The following CADPS variants were observed in gnomAD, a reference collection of about 807,000 sequenced individuals.
CADPS encodes the protein calcium-dependent secretion activator 1.
CADPS carries 57 observed loss-of-function variants against 167.3 expected under a neutral mutation model. That is an observed-to-expected ratio of 0.34 (90% CI 0.28 to 0.42). CADPS has a LOEUF of 0.42. Ranked by LOEUF, CADPS falls within the 20% of genes least tolerant of loss-of-function variation. CADPS has a pLI of 1.00. For synonymous variants in CADPS, 676 were observed against 635.3 expected, an observed-to-expected ratio of 1.06 and a Z score of -0.96; for missense variants, 1,414 against 1,738.1, an observed-to-expected ratio of 0.81 and a Z score of 3.32.
rs1201837025 is a variant in CADPS, at chr3:62,773,460, C to T, written c.442-7476G>A. 3.3e-5 allele frequency among the ~76,000 whole-genome samples: 5 copies of T among 152,086 alleles called. No individual in the cohort carries two copies. In the East Asian group the frequency reaches 5.8e-4, roughly 18 times the overall value. On this transcript the variant is annotated intron_variant, in intron 1 of 29. Coordinates refer to ENST00000383710, the MANE Select transcript of CADPS (RefSeq NM_003716.4). ...GAAATGCAAGTTGAAGGGGGAAAAA[C>T]ATATTGAAGGTGGGGAGAATTACGA...
intron 6 of CADPS, among the ~76,000 whole-genome samples, chr3:62,637,889 A>G (rs1256810658): frequency 6.6e-6 from 1 of 152,148 alleles, no homozygotes; most frequent in Admixed American, 6.6e-5. Context: ...ATTAAATAAA[A>G]TGATGACTGT....
chr3:62,516,435 T>A, intron 15 of CADPS, 145 bp downstream of exon 15: 5 of 760,228 alleles, frequency 6.6e-6, no homozygotes, highest in Non-Finnish European at 8.4e-6. Flanking sequence ...GTTTTGGCAG[T>A]TTCCTCGCTT....
chr3:62,608,396 C>T (rs781779311), intron 6 of CADPS, among the ~76,000 whole-genome samples: 38 of 151,852 alleles, frequency 2.5e-4, no homozygotes, highest in Non-Finnish European at 4.9e-4. Flanking sequence ...GATCCTCTCA[C>T]CTCAAACTCC....
At chr3:62,530,290 T>G (rs2073354498) in intron 13 of CADPS, among the ~76,000 whole-genome samples, 2 of 152,192 alleles carry the variant, frequency 1.3e-5, no homozygotes, top group South Asian at 4.1e-4. Flanking sequence ...TCCTTAAACA[T>G]AATTTCAAAA....
rs2083192400 is a variant in CADPS, at chr3:62,874,136, TGCCGTTGCCCCCGCCC to T, written c.441+437_441+452del. ...CTCCCTCCACCTCGGCGCCCCCACC[TGCCGTTGCCCCCGCCC>T]GCCGAACGCACGCCCAGGAGGGCGG... On this transcript the variant is annotated intron_variant, in intron 1 of 29. Coordinates refer to ENST00000383710, the MANE Select transcript of CADPS (RefSeq NM_003716.4). The surrounding 1 kb of genome is among the most constrained non-coding windows in gnomAD (Gnocchi z 7.1). Among the ~76,000 whole-genome samples, 1 of 152,160 alleles carries T rather than the reference TGCCGTTGCCCCCGCCC, an allele frequency of 6.6e-6. No individual in the cohort carries two copies. The highest frequency in any genetic ancestry group is 1.5e-5 in the Non-Finnish European group (1 of 68,002).
At chr3:62,694,759 C>A (rs2079955491) in intron 3 of CADPS, among the ~76,000 whole-genome samples, 1 of 152,018 alleles carries the variant, frequency 6.6e-6, no homozygotes, top group Non-Finnish European at 1.5e-5. Flanking sequence ...TACCCATACC[C>A]CAGTATCTGA....
At chr3:62,545,341 A>G (rs1179116980) in intron 11 of CADPS, among the ~76,000 whole-genome samples, 2 of 152,286 alleles carry the variant, frequency 1.3e-5, no homozygotes, top group East Asian at 3.9e-4. Flanking sequence ...GCCACTCAGC[A>G]TAATAAATCG....
intron 26 of CADPS, among the ~76,000 whole-genome samples, chr3:62,457,324 C>T (rs1252912690): frequency 6.6e-6 from 1 of 152,048 alleles, no homozygotes; most frequent in African/African-American, 2.4e-5. Context: ...TAGGAAGTGG[C>T]AGAACTGGAA....
chr3:62,727,018 G>T lies in CADPS; in HGVS notation c.888+26423C>A. Among the ~76,000 whole-genome samples the T allele has an allele frequency of 1.3e-5, 2 of 151,794 alleles. 1 individual carries two copies. The highest frequency in any genetic ancestry group is 4.9e-5 in the African/African-American group (2 of 41,136). On this transcript the variant is annotated intron_variant, in intron 3 of 29. Coordinates refer to ENST00000383710, the MANE Select transcript of CADPS (RefSeq NM_003716.4). Reference sequence around the variant, plus strand: ...CCTAGACTGTCTTAGATTGCTGGTAGCTGTGCTTATTAGTAAAAACACCTT... The same window carrying T: ...CCTAGACTGTCTTAGATTGCTGGTATCTGTGCTTATTAGTAAAAACACCTT...
At chr3:62,522,857 A>G (rs1457985487) in intron 13 of CADPS, among the ~76,000 whole-genome samples, 1 of 152,150 alleles carries the variant, frequency 6.6e-6, no homozygotes, top group African/African-American at 2.4e-5. Context: ...GGTCAAGCGC[A>G]GTCATTTTTG....
intron 3 of CADPS, among the ~76,000 whole-genome samples, chr3:62,725,617 T>C (rs2076597041): frequency 6.7e-6 from 1 of 149,548 alleles, no homozygotes; most frequent in Non-Finnish European, 1.5e-5. Flanking sequence ...TGAATTATTA[T>C]GTGCAAAATA....
intron 3 of CADPS, among the ~76,000 whole-genome samples, chr3:62,752,346 A>G (rs539557909): frequency 9.2e-5 from 14 of 152,372 alleles, no homozygotes; most frequent in Non-Finnish European, 1.6e-4. Flanking sequence ...AATGTTTTCA[A>G]TTAAAGTTGG....
intron 3 of CADPS, among the ~76,000 whole-genome samples, chr3:62,705,876 C>G (rs879024340): frequency 6.6e-6 from 1 of 152,174 alleles, no homozygotes; most frequent in African/African-American, 2.4e-5. Flanking sequence ...CTCCTCCATT[C>G]CTTTCTGCTC....
intron 8 of CADPS, among the ~76,000 whole-genome samples, chr3:62,575,728 C>T (rs188748501): frequency 1.3e-5 from 2 of 152,196 alleles, no homozygotes; most frequent in Admixed American, 1.3e-4. Context: ...TTCTAGATGA[C>T]AAACTTTGGT....
At position 62,874,113 on chromosome 3, in the gene CADPS, C is replaced by G. The variant is rs1482101472; in HGVS notation, c.441+476G>C. ...GAGCGCTGCTCCAAGACGCTCTTCT[C>G]CCTCCACCTCGGCGCCCCCACCTGC... On this transcript the variant is annotated intron_variant, in intron 1 of 29. Coordinates refer to ENST00000383710, the MANE Select transcript of CADPS (RefSeq NM_003716.4). This position sits in a 1 kb window ranked among gnomAD's most constrained non-coding sequence, Gnocchi z 7.1. 6.6e-6 allele frequency among the ~76,000 whole-genome samples: 1 copy of G among 152,222 alleles called. No individual in the cohort carries two copies. The highest frequency in any genetic ancestry group is 1.5e-5 in the Non-Finnish European group (1 of 68,026).
chr3:62,838,115 G>A (rs371257925), intron 1 of CADPS, among the ~76,000 whole-genome samples: 2 of 152,318 alleles, frequency 1.3e-5, no homozygotes, highest in South Asian at 4.1e-4. Flanking sequence ...CTCTACATGT[G>A]TCCACACTGG....
At chr3:62,599,506 A>G (rs1461626031) in intron 6 of CADPS, among the ~76,000 whole-genome samples, 2 of 112,214 alleles carry the variant, frequency 1.8e-5, no homozygotes, top group African/African-American at 7.4e-5. Context: ...TATTTTATAT[A>G]TATTATATAT....
At chr3:62,703,177 A>G (rs1374209524) in intron 3 of CADPS, among the ~76,000 whole-genome samples, 2 of 152,138 alleles carry the variant, frequency 1.3e-5, no homozygotes, top group African/African-American at 4.8e-5. Context: ...AATGCAGTTT[A>G]CTCTTTAAAT....
rs946049253 is a variant in CADPS at position 62,421,215 on chromosome 3, C to T, written c.3777+16889G>A. Among the ~76,000 whole-genome samples the T allele has an allele frequency of 3.3e-5, 5 of 152,124 alleles. No individual in the cohort carries two copies. Among genetic ancestry groups the T allele is most frequent in the Admixed American group, 3.3e-4 (5 of 15,282 alleles). Reference sequence around the variant, plus strand: ...CTGCCTTGCCGTCAATGCTTCTCGTCCACAAGGCTCCCTCCCCCTTCCTCC... The same window carrying T: ...CTGCCTTGCCGTCAATGCTTCTCGTTCACAAGGCTCCCTCCCCCTTCCTCC... On this transcript the variant is annotated intron_variant, in intron 28 of 29. Transcript: ENST00000383710. The surrounding 1 kb of genome is among the most constrained non-coding windows in gnomAD (Gnocchi z 4.7).
Sources: gnomAD v4.1 joint callset for allele counts (sites outside exome capture counted in the v4.1 genomes callset) on GRCh38, gnomAD v4.1.1 for gene constraint, Gnocchi (gnomAD v3.1) non-coding constraint, MANE v1.5 for transcripts, NCBI Gene and HGNC (gene_info 2026-07-23, HGNC 2026-07-21) for gene names.